Variants in CHODL observed in about 807,000 individuals in gnomAD.
CHODL encodes chondrolectin, also known as transmembrane protein MT75.
In CHODL, 29 loss-of-function variants were observed where a neutral mutation model predicts 34.5. The ratio of observed to expected loss-of-function variants is 0.84; its 90% confidence interval spans 0.63 to 1.15. CHODL has a LOEUF of 1.15. CHODL is among the 50% of genes most tolerant of loss of function. The pLI, the probability that CHODL is intolerant of heterozygous loss-of-function variation, is 0.00. For synonymous variants in CHODL, 125 were observed against 116.1 expected (o/e 1.08, Z -0.49); for missense variants, 332 against 332.5 (o/e 1.00, Z 0.01).
intron 2 of CHODL, among the ~76,000 whole-genome samples, chr21:18,119,166 A>G (rs537655131): frequency 2.0e-5 from 3 of 152,232 alleles, no homozygotes; most frequent in Non-Finnish European, 4.4e-5. Context: ...TGACAGCATC[A>G]TCACTCTCAA....
intron 2 of CHODL, among the ~76,000 whole-genome samples, chr21:18,039,803 A>G (rs954589078): frequency 2.0e-5 from 3 of 151,806 alleles, no homozygotes; most frequent in African/African-American, 7.2e-5. Context: ...AATTAAATAA[A>G]AGTTAAAATA....
rs1482246813 is a variant in CHODL, at chr21:17,955,244, G to A, written c.-145+37844G>A. On this transcript the variant is annotated intron_variant, in intron 1 of 6. Coordinates refer to the CHODL transcript ENST00000400127. ...TAATCTTACCTGCCTGAAGTCATGG[G>A]ATTAAATATTATCCTGGAGATTCAT... is the stretch of plus-strand genomic sequence containing the variant. Among the ~76,000 whole-genome samples, 3 of 137,212 alleles carry A rather than the reference G, an allele frequency of 2.2e-5. 1 individual carries two copies. Among genetic ancestry groups the A allele is most frequent in the Non-Finnish European group, 3.3e-5 (2 of 60,324 alleles). 90.0% of individuals were successfully genotyped at this position (137,212 alleles called of 152,430 possible).
intron 2 of CHODL, among the ~76,000 whole-genome samples, chr21:18,056,399 A>G (rs1159126999): frequency 6.6e-6 from 1 of 151,270 alleles, no homozygotes; most frequent in African/African-American, 2.4e-5. Context: ...TCTTTTTGAA[A>G]TTTGTAGAAT....
In CHODL at chr21:18,251,386, T is replaced by TTATTTTAATATAAATA. The variant is rs1568957244; in HGVS notation, c.80-5122_80-5121insATTTTAATATAAATAT. Among the ~76,000 whole-genome samples, 746 of 115,382 alleles carry TTATTTTAATATAAATA rather than the reference T, an allele frequency of 6.5e-3. 65 individuals carry two copies. The highest frequency in any genetic ancestry group is 0.028 in the African/African-American group (683 of 24,802). 75.7% of individuals were successfully genotyped at this position (115,382 alleles called of 152,430 possible). Reference sequence around the variant, plus strand: ...TTTATATAAAATAAATGTATTTTATTTGTTTTAATATATAAAATATGTATT... The same window carrying TTATTTTAATATAAATA: ...TTTATATAAAATAAATGTATTTTATTTATTTTAATATAAATATGTTTTAATATATAAAATATGTATT... On this transcript the variant is annotated intron_variant, in intron 1 of 5. Transcript: ENST00000299295.
At position 18,260,249 on chromosome 21, in the gene CHODL, A is replaced by G. The variant is rs2074364576; in HGVS notation, c.597A>G (p.Pro199=). 1.9e-6 allele frequency: 3 copies of G among 1,583,654 alleles called. No homozygotes were observed. Among genetic ancestry groups the G allele is most frequent in the Non-Finnish European group, 2.6e-6 (3 of 1,168,122 alleles). The change falls in exon 4 of 6, where the codon CCA becomes CCG. Residue 199 remains proline (P), a synonymous_variant. Coordinates refer to ENST00000299295, the MANE Select transcript of CHODL (RefSeq NM_024944.3). ...PVEKPYLTNQ[P]GDTHQNVVVT... The stretch of plus-strand genomic sequence containing the variant: ...AAAAGCCTTATCTTACAAATCAACC[A>G]GGAGACACCCATCAGAATGTGGTTG...
Position 18,088,455 on chromosome 21 carries a change from C to T in CHODL, c.-45+60484C>T, listed in dbSNP as rs1277443906. ...TGCCCATGGGATTCTCTGTGGGCTC[C>T]CTTTCTGGAGCAACATCTGTGTGCA... On this transcript the variant is annotated intron_variant, in intron 2 of 6. Coordinates refer to the CHODL transcript ENST00000400127. Among the ~76,000 whole-genome samples the T allele has an allele frequency of 2.0e-5, 3 of 152,146 alleles. No homozygotes were observed. In the East Asian group the frequency reaches 5.8e-4, roughly 29 times the overall value.
intron 2 of CHODL, among the ~76,000 whole-genome samples, chr21:18,046,930 C>T (rs1447737743): frequency 1.3e-5 from 2 of 151,850 alleles, no homozygotes; most frequent in Non-Finnish European, 2.9e-5. Context: ...TTCACGTCTC[C>T]ATATTTGCTA....
intron 1 of CHODL, chr21:18,245,793 C>G: frequency 3.5e-6 from 3 of 854,378 alleles, no homozygotes; most frequent in Non-Finnish European, 5.4e-6. Flanking sequence ...CCTCCGGATG[C>G]CTGGGCATTC....
rs574979326 is a variant in CHODL at position 17,926,377 on chromosome 21, T to TG, written c.-145+8977_-145+8978insG. 2.3e-4 allele frequency among the ~76,000 whole-genome samples: 31 copies of TG among 132,064 alleles called. 2 individuals carry two copies. The highest frequency in any genetic ancestry group is 9.7e-4 in the African/African-American group (27 of 27,876). The allele number at this position is 132,064 out of a possible 152,430, so 86.6% of individuals were successfully genotyped here. A position where few individuals can be genotyped will look rare whatever the true frequency, so the allele number is the denominator to read the frequency against. ...GAGGGTAACAAATAAATAAGGTGGG[T>TG]TTTTTTTTTTTTTTTCCTGAAGTGT... On this transcript the variant is annotated intron_variant, in intron 1 of 6. Transcript: ENST00000400127.
intron 1 of CHODL, among the ~76,000 whole-genome samples, chr21:18,007,553 A>G (rs1600887278): frequency 6.6e-6 from 1 of 152,304 alleles, no homozygotes; most frequent in East Asian, 1.9e-4. Flanking sequence ...TGTTTTATAA[A>G]TATAGTTGTG....
At chr21:18,174,098 G>GAGATATATATATATATCTTGGT (rs1568922980) in intron 2 of CHODL, among the ~76,000 whole-genome samples, 2 of 94,798 alleles carry the variant, frequency 2.1e-5, no homozygotes, top group African/African-American at 3.3e-5. Flanking sequence ...ACAAATACAG[G>GAGATATATATATATATCTTGGT]ATATATATAT....
chr21:17,932,601 A>C (rs2063283118), intron 1 of CHODL, among the ~76,000 whole-genome samples: 1 of 142 alleles, frequency 7.0e-3, no homozygotes, highest in Non-Finnish European at 0.014. Context: ...CGTGGTATAT[A>C]TACTCCCGTG....
At chr21:18,112,983 A>G (rs1028282155) in intron 2 of CHODL, among the ~76,000 whole-genome samples, 3 of 152,196 alleles carry the variant, frequency 2.0e-5, no homozygotes, top group Admixed American at 2.0e-4. Context: ...GAGACAACCC[A>G]CAGAATGAGA....
intron 1 of CHODL, among the ~76,000 whole-genome samples, chr21:17,977,276 GT>G (rs894835554): frequency 4.0e-5 from 6 of 151,610 alleles, no homozygotes; most frequent in African/African-American, 1.5e-4. Context: ...AGCAGGACAT[GT>G]TTTTCAAGAT....
chr21:18,217,912 T>C (rs964634871), intron 2 of CHODL, among the ~76,000 whole-genome samples: 3 of 152,272 alleles, frequency 2.0e-5, no homozygotes, highest in Admixed American at 6.5e-5. Flanking sequence ...TCCAAAATTA[T>C]CTCCTTTGAC....
intron 2 of CHODL, among the ~76,000 whole-genome samples, chr21:18,109,684 T>C (rs1247573442): frequency 1.3e-5 from 2 of 152,152 alleles, no homozygotes; most frequent in Admixed American, 1.3e-4. Flanking sequence ...AGGGCTGCAT[T>C]GTAAGTGTTA....
chr21:18,060,067 T>C (rs116559769), intron 2 of CHODL, among the ~76,000 whole-genome samples: 1 of 152,144 alleles, frequency 6.6e-6, no homozygotes, highest in African/African-American at 2.4e-5. Context: ...GGTGCCATCA[T>C]TTATTTGATG....
intron 1 of CHODL, among the ~76,000 whole-genome samples, chr21:17,935,196 T>C (rs986293366): frequency 6.6e-6 from 1 of 152,226 alleles, no homozygotes; most frequent in Non-Finnish European, 1.5e-5. Context: ...GTTTCATATA[T>C]GGCAGGTACT....
chr21:17,933,312 A>G (rs991064091), intron 1 of CHODL, among the ~76,000 whole-genome samples: 5 of 152,268 alleles, frequency 3.3e-5, no homozygotes, highest in South Asian at 2.1e-4. Context: ...CCCTTCCCAC[A>G]AGGCCATATT....
Sources: allele counts gnomAD v4.1 joint callset (sites outside exome capture counted in the v4.1 genomes callset), GRCh38; gene constraint gnomAD v4.1.1; transcripts MANE v1.5; gene names NCBI Gene and HGNC (gene_info 2026-07-23, HGNC 2026-07-21).